ABCA12: variants seen among roughly 807,000 people sequenced by gnomAD.
ABCA12 encodes the protein ATP binding cassette subfamily A member 12.
In ABCA12, 156 loss-of-function variants were observed where a neutral mutation model predicts 293.5. That is an observed-to-expected ratio of 0.53 (90% CI 0.47 to 0.61). The LOEUF is 0.61. ABCA12 is among the 20% of genes least tolerant of loss of function. The probability of loss-of-function intolerance (pLI) is 0.00; values close to 1 mark genes in which losing one functional copy is unlikely to be tolerated. For synonymous variants in ABCA12, 1,063 were observed against 1,108.0 expected (o/e 0.96, Z 0.81); for missense variants, 2,797 against 3,090.2 (o/e 0.91, Z 2.25).
intron 2 of ABCA12, among the ~76,000 whole-genome samples, chr2:215,072,016 C>A (rs968503859): frequency 1.3e-5 from 2 of 152,180 alleles, no homozygotes; most frequent in African/African-American, 4.8e-5. Context: ...AGCACAGATT[C>A]TTTTCCAAGT....
Position 215,138,242 on chromosome 2 carries a change from C to G in ABCA12, c.-34G>C, listed in dbSNP as rs181894731. 2.4e-5 allele frequency: 39 copies of G among 1,606,128 alleles called. No individual in the cohort carries two copies. In the African/African-American group the frequency reaches 4.7e-4, roughly 19 times the overall value. On this transcript the variant is annotated 5_prime_UTR_variant, in exon 1 of 53. Coordinates refer to ENST00000272895, the MANE Select transcript of ABCA12 (RefSeq NM_173076.3). ...TGCCCCAAATGAGAGATTTCCTCTTCTTTTCTCCACTCCACAAATGAAGAA... is the reference window on the plus strand; with the variant it reads ...TGCCCCAAATGAGAGATTTCCTCTTGTTTTCTCCACTCCACAAATGAAGAA...
intron 27 of ABCA12, among the ~76,000 whole-genome samples, chr2:214,987,046 G>A (rs1699803316): frequency 6.6e-6 from 1 of 152,130 alleles, no homozygotes; most frequent in Non-Finnish European, 1.5e-5. Context: ...TTGGTCCTCT[G>A]GTTGGGCAGG....
intron 39 of ABCA12, among the ~76,000 whole-genome samples, chr2:214,961,517 C>G (rs1370726470): frequency 6.6e-6 from 1 of 151,942 alleles, no homozygotes; most frequent in African/African-American, 2.4e-5. Flanking sequence ...AAAAGCTGAC[C>G]CTTCAAAAGC....
rs10541959 is a variant in ABCA12, at chr2:215,064,693, G to GCACACACACA, written c.164-484_164-475dup. On this transcript the variant is annotated intron_variant, in intron 2 of 52. Transcript: ENST00000272895. ...GAAGAGTCCTAATCTTTTAATACAC[G>GCACACACACA]CACACACACACACACACACACACAC... Among the ~76,000 whole-genome samples the GCACACACACA allele has an allele frequency of 5.7e-5, 8 of 140,008 alleles. No homozygotes were observed. The South Asian group carries it at 1.8e-3, about 32-fold the overall frequency. The allele number at this position is 140,008 out of a possible 152,430, so 91.9% of individuals were successfully genotyped here.
At chr2:215,061,174 C>T (rs542107203) in intron 3 of ABCA12, among the ~76,000 whole-genome samples, 6 of 152,142 alleles carry the variant, frequency 3.9e-5, no homozygotes, top group African/African-American at 9.6e-5. Flanking sequence ...AAACCATAAA[C>T]GTAATAGTTT....
chr2:214,978,981 T>C lies in ABCA12; in HGVS notation c.4800A>G (p.Gln1600=), dbSNP rs766425551. The C allele has an allele frequency of 6.8e-6, 11 of 1,614,132 alleles. No individual in the cohort carries two copies. In the East Asian group the frequency reaches 2.0e-4, roughly 29 times the overall value. ...TGAGGTAGGCTTCGGGGAGATGTGATTGGATCATTGCTGTCACGGCCATGG... is the reference window on the plus strand; with the variant it reads ...TGAGGTAGGCTTCGGGGAGATGTGACTGGATCATTGCTGTCACGGCCATGG... The part of the protein sequence containing the change: ...CDTMAVTAMI[Q]SHLPEAYLKE... The change falls in exon 32 of 53, where the codon CAA becomes CAG. Residue 1600 remains glutamine (Q), a synonymous_variant. Transcript: ENST00000272895.
At chr2:214,986,401 A>G in intron 28 of ABCA12, 141 bp downstream of exon 28, 2 of 893,006 alleles carry the variant, frequency 2.2e-6, no homozygotes, top group Non-Finnish European at 3.5e-6. Context: ...TCCATTCTAT[A>G]GCATACAAGT....
intron 9 of ABCA12, chr2:215,028,949 A>G (rs1352337897): frequency 6.6e-6 from 1 of 152,252 alleles, no homozygotes. Flanking sequence ...GTCAGAAAGA[A>G]TATTCTAAAG....
At chr2:215,089,519 A>G (rs1299034652) in intron 2 of ABCA12, among the ~76,000 whole-genome samples, 2 of 152,208 alleles carry the variant, frequency 1.3e-5, no homozygotes, top group East Asian at 3.8e-4. Context: ...TTTGGTTACT[A>G]CTGCAGGGAG....
intron 2 of ABCA12, among the ~76,000 whole-genome samples, chr2:215,066,245 G>C (rs1188076627): frequency 1.3e-5 from 2 of 152,074 alleles, no homozygotes; most frequent in African/African-American, 2.4e-5. Flanking sequence ...AGGGTATAGG[G>C]CTGCAAATGA....
intron 39 of ABCA12, among the ~76,000 whole-genome samples, chr2:214,965,452 C>T (rs554519642): frequency 2.1e-4 from 32 of 152,220 alleles, no homozygotes; most frequent in African/African-American, 7.0e-4. Context: ...AGACAACCTA[C>T]AGAATGGGAG....
At chr2:215,125,232 A>C (rs2105912109) in intron 1 of ABCA12, among the ~76,000 whole-genome samples, 1 of 152,252 alleles carries the variant, frequency 6.6e-6, no homozygotes, top group South Asian at 2.1e-4. Flanking sequence ...GAAATCAGGT[A>C]GTGTGATGCC....
rs777845219 is a variant in ABCA12, at chr2:215,019,339, G to T, written c.1654C>A (p.Pro552Thr). 3.7e-6 allele frequency: 6 copies of T among 1,608,122 alleles called. No individual in the cohort carries two copies. In the South Asian group the frequency reaches 6.6e-5, roughly 18 times the overall value. ...TAAAATGTGGATGGGGAAACACCTG[G>T]CTTTTCAGAAGCATCTGCACTGTTA... ...VNNSADASEK[P>T]GQLLEMFKNV... Residue 552 changes from proline to threonine, a missense_variant, in exon 13 of 53, where the codon CCA becomes ACA. By Grantham distance (38) the Pro-to-Thr change is conservative (BLOSUM62 -1). Around this residue, in one of 3 missense-constraint regions of ABCA12, gnomAD observed 656 missense variants for 638.2 expected, o/e 1.03. Coordinates refer to ENST00000272895, the MANE Select transcript of ABCA12 (RefSeq NM_173076.3).
chr2:215,102,969 A>T (rs777691273), intron 2 of ABCA12, among the ~76,000 whole-genome samples: 5 of 152,190 alleles, frequency 3.3e-5, no homozygotes, highest in Non-Finnish European at 7.3e-5. Flanking sequence ...CTCTTGAACA[A>T]TTATTGATCT....
chr2:215,122,499 C>T (rs1179161846), intron 1 of ABCA12, among the ~76,000 whole-genome samples: 1 of 152,164 alleles, frequency 6.6e-6, no homozygotes, highest in East Asian at 1.9e-4. Context: ...GCAAAGTTTT[C>T]CTCTTTCTCT....
intron 1 of ABCA12, among the ~76,000 whole-genome samples, chr2:215,128,056 C>T (rs1702965087): frequency 6.6e-6 from 1 of 152,124 alleles, no homozygotes; most frequent in South Asian, 2.1e-4. Context: ...ATATATGACG[C>T]TTTGTTTTGC....
intron 7 of ABCA12, among the ~76,000 whole-genome samples, chr2:215,039,660 T>C (rs989645379): frequency 6.6e-6 from 1 of 151,682 alleles, no homozygotes; most frequent in Non-Finnish European, 1.5e-5. Context: ...GAGGCTGAGG[T>C]AGGAGAATGG....
intron 46 of ABCA12, 26 bp downstream of exon 46, chr2:214,949,014 T>C: frequency 6.4e-7 from 1 of 1,557,138 alleles, no homozygotes; most frequent in Non-Finnish European, 8.9e-7. Context: ...TTGTACTCGC[T>C]AAATTGAAGC....
chr2:215,106,392 G>C (rs946556322), intron 2 of ABCA12, among the ~76,000 whole-genome samples: 1 of 152,020 alleles, frequency 6.6e-6, no homozygotes, highest in Non-Finnish European at 1.5e-5. Context: ...CTAATAAGTG[G>C]TATGAGGAAG....
Sources: allele counts gnomAD v4.1 joint callset (sites outside exome capture counted in the v4.1 genomes callset), GRCh38; gene constraint gnomAD v4.1.1; regional missense constraint gnomAD v4.1.1; transcripts MANE v1.5; gene names NCBI Gene and HGNC (gene_info 2026-07-23, HGNC 2026-07-21).